Variants in DLG2 observed in about 807,000 individuals in gnomAD.
The protein encoded by DLG2 is disks large homolog 2.
A neutral mutation model predicts 132.5 loss-of-function variants in DLG2; 45 were observed. The ratio of observed to expected loss-of-function variants is 0.34; its 90% CI spans 0.27 to 0.44. DLG2 has a LOEUF of 0.44. DLG2 is among the 20% of genes least tolerant of loss of function. DLG2 has a pLI of 1.00. For missense variants in DLG2, 1,045 were observed against 1,196.9 expected (o/e 0.87, Z 1.87); for synonymous variants, 424 against 419.6 (o/e 1.01, Z -0.13).
chr11:83,849,321 TAATA>T (rs1446236829), intron 16 of DLG2, among the ~76,000 whole-genome samples: 3 of 142,108 alleles, frequency 2.1e-5, no homozygotes, highest in Non-Finnish European at 3.0e-5. Flanking sequence ...ATAATATATA[TAATA>T]AATTAATAAA....
intron 4 of DLG2, among the ~76,000 whole-genome samples, chr11:85,209,990 T>A (rs1000755537): frequency 1.3e-5 from 2 of 152,062 alleles, no homozygotes; most frequent in African/African-American, 4.8e-5. Context: ...TCTTCAGGTT[T>A]TCATTAATAA....
At chr11:85,525,398 T>A (rs2074667223) in intron 3 of DLG2, among the ~76,000 whole-genome samples, 1 of 152,186 alleles carries the variant, frequency 6.6e-6, no homozygotes, top group African/African-American at 2.4e-5. Flanking sequence ...TCTATCCTTG[T>A]CTGTTCAATA....
chr11:85,390,195 GAA>G (rs2086678066), intron 3 of DLG2, among the ~76,000 whole-genome samples: 2 of 151,834 alleles, frequency 1.3e-5, no homozygotes, highest in Admixed American at 1.3e-4. Context: ...AAAGGGAGCA[GAA>G]GTAGCTATTC....
intron 6 of DLG2, among the ~76,000 whole-genome samples, chr11:84,711,851 G>A (rs578023112): frequency 5.1e-4 from 77 of 151,966 alleles, no homozygotes; most frequent in Non-Finnish European, 9.9e-4. Flanking sequence ...GCCAGTCAAG[G>A]TGACACATAA....
At chr11:85,106,458 T>C (rs560236315) in intron 6 of DLG2, among the ~76,000 whole-genome samples, 3 of 152,084 alleles carry the variant, frequency 2.0e-5, no homozygotes, top group South Asian at 2.1e-4. Flanking sequence ...CTAGAACCTT[T>C]TTCCAGAAAA....
chr11:84,108,424 A>G (rs1400794818), intron 9 of DLG2, among the ~76,000 whole-genome samples: 1 of 152,198 alleles, frequency 6.6e-6, no homozygotes, highest in Non-Finnish European at 1.5e-5. Flanking sequence ...AACATTTTTC[A>G]TTGAAACTGA....
At chr11:85,471,774 A>T (rs2092991942) in intron 3 of DLG2, among the ~76,000 whole-genome samples, 1 of 152,224 alleles carries the variant, frequency 6.6e-6, no homozygotes, top group Admixed American at 6.5e-5. Flanking sequence ...TGAGAGAAGC[A>T]ATAATCAATG....
intron 14 of DLG2, among the ~76,000 whole-genome samples, chr11:83,951,428 G>T (rs2154147366): frequency 6.6e-6 from 1 of 152,132 alleles, no homozygotes; most frequent in South Asian, 2.1e-4. Flanking sequence ...ATAAGCACTA[G>T]AGAGAAAAAT....
chr11:83,732,548 T>G (rs1029850719), intron 18 of DLG2, among the ~76,000 whole-genome samples: 9 of 152,184 alleles, frequency 5.9e-5, no homozygotes, highest in African/African-American at 2.2e-4. Context: ...GATCACAACT[T>G]CTAATGGATT....
At chr11:85,475,481 T>C (rs892008929) in intron 3 of DLG2, among the ~76,000 whole-genome samples, 16 of 152,076 alleles carry the variant, frequency 1.1e-4, no homozygotes, top group Admixed American at 6.5e-5. Flanking sequence ...TTTCTAGCAA[T>C]GTAATTTTTA....
chr11:84,498,352 C>T lies in DLG2; in HGVS notation c.519+36218G>A, dbSNP rs558848745. The stretch of plus-strand genomic sequence containing the variant: ...GACAGGGAGCTGACTGGATGCCAGG[C>T]GAAGCATGTGGGTTCAGGGGAAGCA... On this transcript the variant is annotated intron_variant, in intron 7 of 27. Transcript: ENST00000376104. Among the ~76,000 whole-genome samples the T allele has an allele frequency of 1.4e-4, 21 of 152,102 alleles. No individual in the cohort carries two copies. In the South Asian group the frequency reaches 3.7e-3, roughly 27 times the overall value.
chr11:83,880,382 G>T (rs924429401), intron 15 of DLG2, among the ~76,000 whole-genome samples: 5 of 152,168 alleles, frequency 3.3e-5, no homozygotes, highest in African/African-American at 1.2e-4. Context: ...ATTAAGAAAA[G>T]AGAATGTATT....
chr11:85,412,758 C>T lies in DLG2; in HGVS notation c.41-127393G>A, dbSNP rs868509995. Among the ~76,000 whole-genome samples, 263 of 117,346 alleles carry T rather than the reference C, an allele frequency of 2.2e-3. 1 individual carries two copies. The highest frequency in any genetic ancestry group is 8.8e-3 in the African/African-American group (244 of 27,578). The allele number at this position is 117,346 out of a possible 152,430, so 77.0% of individuals were successfully genotyped here. ...ACACACACACACACACACACACACACACATATATATATATATATATATATA... is the reference window on the plus strand; with the variant it reads ...ACACACACACACACACACACACACATACATATATATATATATATATATATA... On this transcript the variant is annotated intron_variant, in intron 3 of 27. Coordinates refer to ENST00000376104, the MANE Select transcript of DLG2 (RefSeq NM_001142699.3).
At chr11:83,633,743 AACAC>A (rs35932645) in intron 18 of DLG2, among the ~76,000 whole-genome samples, 4,829 of 143,208 alleles carry the variant, frequency 0.034, 91 homozygotes, top group Non-Finnish European at 0.04. Context: ...CACAGAACTA[AACAC>A]ACACACACAC....
chr11:83,924,728 T>C (rs2078634650), intron 15 of DLG2, among the ~76,000 whole-genome samples: 1 of 152,146 alleles, frequency 6.6e-6, no homozygotes, highest in South Asian at 2.1e-4. Context: ...CTCTGGCATA[T>C]GATTGAGGTC....
intron 6 of DLG2, among the ~76,000 whole-genome samples, chr11:84,863,887 C>A (rs1280504056): frequency 1.3e-5 from 2 of 152,068 alleles, no homozygotes; most frequent in Non-Finnish European, 1.5e-5. Flanking sequence ...TGAGTTACTT[C>A]ATATTTAAAA....
chr11:83,951,441 A>G (rs1167992581), intron 14 of DLG2, among the ~76,000 whole-genome samples: 6 of 152,122 alleles, frequency 3.9e-5, no homozygotes, highest in Non-Finnish European at 5.9e-5. Context: ...AGAAAAATAA[A>G]AGGGAACACA....
chr11:84,954,355 A>T (rs997773762), intron 6 of DLG2, among the ~76,000 whole-genome samples: 2 of 151,968 alleles, frequency 1.3e-5, no homozygotes, highest in Non-Finnish European at 2.9e-5. Context: ...AAGGATAAAA[A>T]AAAAAAAAAA....
intron 8 of DLG2, among the ~76,000 whole-genome samples, chr11:84,229,585 A>G (rs993600851): frequency 6.6e-6 from 1 of 152,190 alleles, no homozygotes; most frequent in African/African-American, 2.4e-5. Context: ...ATGCAGATTC[A>G]GAAGGTCTGG....
Sources: gnomAD v4.1 joint callset for allele counts (sites outside exome capture counted in the v4.1 genomes callset) on GRCh38, gnomAD v4.1.1 for gene constraint, MANE v1.5 for transcripts, NCBI Gene and HGNC (gene_info 2026-07-23, HGNC 2026-07-21) for gene names.